The following GRIK4 variants were observed in gnomAD, a reference collection of about 807,000 sequenced individuals.
GRIK4 encodes glutamate ionotropic receptor kainate type subunit 4.
GRIK4 carries 40 observed loss-of-function variants against 104.9 expected under a neutral mutation model. The observed-to-expected ratio is 0.38, with a 90% CI of 0.30 to 0.50. The LOEUF is 0.50. Ranked by LOEUF, GRIK4 falls within the 20% of genes least tolerant of loss-of-function variation. The pLI, the probability that GRIK4 is intolerant of heterozygous loss-of-function variation, is 0.93. For synonymous variants in GRIK4, 485 were observed against 524.9 expected (o/e 0.92, Z 1.04); for missense variants, 1,047 against 1,308.1 (o/e 0.80, Z 3.08).
At chr11:120,916,662 G>A (rs1340082827) in intron 13 of GRIK4, among the ~76,000 whole-genome samples, 4 of 152,260 alleles carry the variant, frequency 2.6e-5, no homozygotes, top group Admixed American at 6.5e-5. Flanking sequence ...ATGAAGGGTC[G>A]TAGTCAAAAA....
chr11:120,905,703 C>T lies in GRIK4; in HGVS notation c.1476+210C>T, dbSNP rs993277652. 6.6e-6 allele frequency among the ~76,000 whole-genome samples: 1 copy of T among 152,220 alleles called. No homozygotes were observed. Among genetic ancestry groups the T allele is most frequent in the Non-Finnish European group, 1.5e-5 (1 of 68,036 alleles). On this transcript the variant is annotated intron_variant, in intron 13 of 20. Transcript: ENST00000527524. This position sits in a 1 kb window ranked among gnomAD's most constrained non-coding sequence, Gnocchi z 5.1. ...GCCTGCAATGATCCCTATCCCGTGG[C>T]TTTCCCAGTCCAGAGCCTGTGACAA... is the stretch of plus-strand genomic sequence containing the variant.
chr11:120,538,486 G>A (rs1229634535), intron 1 of GRIK4, among the ~76,000 whole-genome samples: 2 of 152,204 alleles, frequency 1.3e-5, no homozygotes, highest in African/African-American at 4.8e-5. Flanking sequence ...AACATTCCAA[G>A]CAGATTTCCC....
intron 13 of GRIK4, among the ~76,000 whole-genome samples, chr11:120,909,384 T>C (rs528980226): frequency 6.6e-6 from 1 of 152,314 alleles, no homozygotes; most frequent in South Asian, 2.1e-4. Context: ...AGAATAAAAT[T>C]AGGCCAATTG....
chr11:120,520,378 C>A (rs1317876330), intron 1 of GRIK4, among the ~76,000 whole-genome samples: 1 of 152,208 alleles, frequency 6.6e-6, no homozygotes. Flanking sequence ...TTTCTTCGAT[C>A]CCTGAGTGAG....
chr11:120,736,581 T>C (rs1325791751), intron 3 of GRIK4, among the ~76,000 whole-genome samples: 1 of 152,204 alleles, frequency 6.6e-6, no homozygotes, highest in Non-Finnish European at 1.5e-5. Context: ...GTTGGATGTA[T>C]AATGTAGGAT....
intron 3 of GRIK4, among the ~76,000 whole-genome samples, chr11:120,738,103 G>T (rs960817832): frequency 6.6e-6 from 1 of 152,192 alleles, no homozygotes; most frequent in African/African-American, 2.4e-5. Context: ...AGAGGGAGCC[G>T]CCACGGAGGC....
chr11:120,930,524 G>A (rs1237929726), intron 13 of GRIK4, among the ~76,000 whole-genome samples: 1 of 152,172 alleles, frequency 6.6e-6, no homozygotes, highest in Non-Finnish European at 1.5e-5. Context: ...GCAGCTCATA[G>A]GTGGCAGAGT....
intron 13 of GRIK4, among the ~76,000 whole-genome samples, chr11:120,918,706 C>T (rs1565438543): frequency 1.3e-5 from 2 of 152,072 alleles, no homozygotes; most frequent in Admixed American, 6.5e-5. Context: ...GAATGAGACC[C>T]GGTGTATAAG....
At chr11:120,631,576 CA>C (rs777257071) in intron 1 of GRIK4, among the ~76,000 whole-genome samples, 1 of 152,122 alleles carries the variant, frequency 6.6e-6, no homozygotes, top group African/African-American at 2.4e-5. Flanking sequence ...CAGTAGGCAG[CA>C]CAAAAGTCTC....
chr11:120,558,587 C>G (rs1213394118), intron 1 of GRIK4, among the ~76,000 whole-genome samples: 1 of 152,180 alleles, frequency 6.6e-6, no homozygotes, highest in Non-Finnish European at 1.5e-5. Context: ...GACTCCGTCT[C>G]AAAAACCAAA....
chr11:120,683,111 T>G (rs1169485706), intron 3 of GRIK4, among the ~76,000 whole-genome samples: 1 of 152,106 alleles, frequency 6.6e-6, no homozygotes, highest in Non-Finnish European at 1.5e-5. Flanking sequence ...TTAAGAGCAT[T>G]GACTAACACA....
intron 13 of GRIK4, among the ~76,000 whole-genome samples, chr11:120,924,007 G>A (rs546713517): frequency 6.6e-6 from 1 of 152,224 alleles, no homozygotes; most frequent in East Asian, 1.9e-4. Flanking sequence ...GCAAGTCCTG[G>A]GGGGCGATTA....
chr11:120,757,781 A>C (rs1268370632), intron 3 of GRIK4, among the ~76,000 whole-genome samples: 1 of 152,166 alleles, frequency 6.6e-6, no homozygotes, highest in Non-Finnish European at 1.5e-5. Context: ...GGGGGATTCC[A>C]TGGGATTCCT....
At chr11:120,931,374 G>C (rs934314077) in intron 13 of GRIK4, among the ~76,000 whole-genome samples, 1 of 152,216 alleles carries the variant, frequency 6.6e-6, no homozygotes, top group Non-Finnish European at 1.5e-5. Context: ...ACCTTGGCTG[G>C]AGTGATATTG....
intron 1 of GRIK4, among the ~76,000 whole-genome samples, chr11:120,579,373 G>A (rs894261907): frequency 1.3e-5 from 2 of 152,186 alleles, no homozygotes; most frequent in African/African-American, 2.4e-5. Flanking sequence ...AGCCTTCCAG[G>A]CAAGGGGAAC....
At chr11:120,846,753 G>T (rs1953861648) in intron 8 of GRIK4, among the ~76,000 whole-genome samples, 1 of 152,206 alleles carries the variant, frequency 6.6e-6, no homozygotes, top group Non-Finnish European at 1.5e-5. Context: ...AAGCTAGAAG[G>T]TCTCCAAAGA....
At chr11:120,857,097 TCA>T (rs968995928) in intron 8 of GRIK4, among the ~76,000 whole-genome samples, 6 of 152,150 alleles carry the variant, frequency 3.9e-5, no homozygotes, top group South Asian at 4.1e-4. Flanking sequence ...CATGGTAATC[TCA>T]CAGTTTCCCA....
intron 3 of GRIK4, among the ~76,000 whole-genome samples, chr11:120,736,994 C>T (rs919120912): frequency 7.2e-5 from 11 of 152,242 alleles, no homozygotes; most frequent in South Asian, 2.1e-4. Flanking sequence ...TAGAAGCCAA[C>T]GTAAGAGGAT....
At chr11:120,633,926 GT>G (rs1949363974) in intron 1 of GRIK4, among the ~76,000 whole-genome samples, 1 of 152,212 alleles carries the variant, frequency 6.6e-6, no homozygotes, top group South Asian at 2.1e-4. Context: ...CTGAAGATCT[GT>G]GAGCACGGGG....
Sources: allele counts gnomAD v4.1 joint callset (sites outside exome capture counted in the v4.1 genomes callset), GRCh38; gene constraint gnomAD v4.1.1; non-coding constraint Gnocchi (gnomAD v3.1); transcripts MANE v1.5; gene names NCBI Gene and HGNC (gene_info 2026-07-23, HGNC 2026-07-21).